TMLHE: variants seen among roughly 807,000 people sequenced by gnomAD.
TMLHE encodes trimethyllysine dioxygenase, mitochondrial.
A neutral mutation model predicts 25.7 loss-of-function variants in TMLHE; 18 were observed. The ratio of observed to expected loss-of-function variants is 0.70; its 90% confidence interval spans 0.48 to 1.04. The LOEUF (loss-of-function observed/expected upper bound fraction) is 1.04. TMLHE is among the 50% of genes least tolerant of loss of function. The probability of loss-of-function intolerance (pLI) is 0.00; values close to 1 mark genes in which losing one functional copy is unlikely to be tolerated. For missense variants in TMLHE, 236 were observed against 259.0 expected, an observed-to-expected ratio of 0.91 and a Z score of 0.61; for synonymous variants, 105 against 97.0, an observed-to-expected ratio of 1.08 and a Z score of -0.49.
chrX:155,572,817 C>G lies in TMLHE; in HGVS notation c.-1-27540G>C, dbSNP rs1162616807. Among the ~76,000 whole-genome samples the G allele has an allele frequency of 1.1e-4, 6 of 56,642 alleles. 1 individual carries two copies. Among genetic ancestry groups the G allele is most frequent in the African/African-American group, 2.5e-4 (6 of 23,802 alleles). The allele number at this position is 56,642 out of a possible 115,157, so 49.2% of individuals were successfully genotyped here. ...GCTGAAACTGGATCCCTTCCTTACA[C>G]CTTATACAAAAATTAATTCAAGATG... On this transcript the variant is annotated intron_variant, in intron 1 of 7. Transcript: ENST00000334398.
intron 2 of TMLHE, among the ~76,000 whole-genome samples, chrX:155,532,581 C>A (rs1424162160): frequency 1.8e-5 from 2 of 110,655 alleles, no homozygotes; most frequent in Non-Finnish European, 3.8e-5. Context: ...GATACAACTG[C>A]TGATACTCTG....
At chrX:155,543,829 T>C (rs1465593056) in intron 2 of TMLHE, among the ~76,000 whole-genome samples, 1 of 112,172 alleles carries the variant, frequency 8.9e-6, no homozygotes, top group East Asian at 2.8e-4. Flanking sequence ...CAATAGCTAC[T>C]GAGGTAAATA....
intron 1 of TMLHE, among the ~76,000 whole-genome samples, chrX:155,548,783 G>C (rs1370253109): frequency 9.1e-6 from 1 of 110,028 alleles, no homozygotes; most frequent in Non-Finnish European, 1.9e-5. Context: ...CAAACAATAT[G>C]TGAGCAAATA....
intron 1 of TMLHE, among the ~76,000 whole-genome samples, chrX:155,593,981 A>G (rs782423317): frequency 9.0e-6 from 1 of 111,539 alleles, no homozygotes; most frequent in East Asian, 2.8e-4. Context: ...ATAATAATAC[A>G]TGAAGAAGAA....
At chrX:155,541,961 T>A (rs1389273848) in intron 2 of TMLHE, among the ~76,000 whole-genome samples, 1 of 110,709 alleles carries the variant, frequency 9.0e-6, no homozygotes, top group Non-Finnish European at 1.9e-5. Flanking sequence ...GTCAGATGGA[T>A]AGATTGCAAA....
chrX:155,589,375 G>A (rs782593656), intron 1 of TMLHE, among the ~76,000 whole-genome samples: 11 of 111,379 alleles, frequency 9.9e-5, no homozygotes, highest in South Asian at 7.6e-4. Context: ...GCTTGAACCC[G>A]GGAGGCGGAG....
chrX:155,509,105 T>C (rs2067092188), intron 5 of TMLHE, among the ~76,000 whole-genome samples: 1 of 111,182 alleles, frequency 9.0e-6, no homozygotes, highest in Non-Finnish European at 1.9e-5. Flanking sequence ...ACAATGAAGA[T>C]AGTGATTAAA....
chrX:155,505,939 A>G (rs781895525), intron 6 of TMLHE, among the ~76,000 whole-genome samples: 2 of 111,691 alleles, frequency 1.8e-5, no homozygotes, highest in South Asian at 7.4e-4. Flanking sequence ...AAAAATGCAT[A>G]GTAAAAAGCT....
At chrX:155,548,703 C>A (rs911209913) in intron 1 of TMLHE, among the ~76,000 whole-genome samples, 9 of 107,072 alleles carry the variant, frequency 8.4e-5, no homozygotes, top group Non-Finnish European at 1.5e-4. Context: ...CCACTGCACT[C>A]CAGCCTGGGC....
intron 1 of TMLHE, among the ~76,000 whole-genome samples, chrX:155,572,887 A>G (rs1220928635): frequency 3.5e-5 from 2 of 57,659 alleles, no homozygotes; most frequent in African/African-American, 8.3e-5. Context: ...AAAACCCTAT[A>G]AGAAAACCTA....
At chrX:155,591,099 T>A in intron 1 of TMLHE, among the ~76,000 whole-genome samples, 1 of 111,352 alleles carries the variant, frequency 9.0e-6, no homozygotes, top group Non-Finnish European at 1.9e-5. Flanking sequence ...AAGAGAAAAA[T>A]TTTATAATTC....
intron 1 of TMLHE, among the ~76,000 whole-genome samples, chrX:155,548,842 A>G (rs1457626238): frequency 9.0e-6 from 1 of 110,864 alleles, no homozygotes; most frequent in Non-Finnish European, 1.9e-5. Context: ...AATATGGTCA[A>G]TCAATTCATG....
chrX:155,545,341 T>TAAC, intron 1 of TMLHE, 64 bp from the exon 2 acceptor site: 1 of 845,020 alleles, frequency 1.2e-6, no homozygotes. Flanking sequence ...GCTATAGGAA[T>TAAC]AACACTACAG....
At chrX:155,580,059 T>C (rs193015400) in intron 1 of TMLHE, among the ~76,000 whole-genome samples, 1 of 111,552 alleles carries the variant, frequency 9.0e-6, no homozygotes, top group African/African-American at 3.3e-5. Flanking sequence ...AGAAAAATAT[T>C]TGCAAACGAT....
intron 1 of TMLHE, 53 bp downstream of exon 1, chrX:155,612,739 A>G (rs1557348486): frequency 3.6e-5 from 4 of 111,892 alleles, no homozygotes; most frequent in Non-Finnish European, 7.5e-5. Context: ...GGGTAAACCC[A>G]CCCGTAGCAC....
At chrX:155,562,055 G>T (rs2067498834) in intron 1 of TMLHE, among the ~76,000 whole-genome samples, 1 of 62,285 alleles carries the variant, frequency 1.6e-5, no homozygotes, top group African/African-American at 3.6e-5. Flanking sequence ...GCCCAGTGTG[G>T]ACTCTGTGTG....
intron 2 of TMLHE, among the ~76,000 whole-genome samples, chrX:155,527,966 C>T (rs1157021663): frequency 9.9e-5 from 11 of 111,061 alleles, no homozygotes; most frequent in African/African-American, 3.6e-4. Context: ...GATAAAAACC[C>T]AACAGAAAAA....
chrX:155,543,474 A>G (rs1432096402), intron 2 of TMLHE, among the ~76,000 whole-genome samples: 5 of 112,171 alleles, frequency 4.5e-5, no homozygotes, highest in Non-Finnish European at 9.4e-5. Context: ...AACCAAGGAG[A>G]TTAATAATCT....
intron 1 of TMLHE, among the ~76,000 whole-genome samples, chrX:155,579,138 G>A (rs1478512146): frequency 1.8e-5 from 2 of 110,891 alleles, no homozygotes; most frequent in Non-Finnish European, 3.8e-5. Context: ...CCATACTCAT[G>A]GGTCAAAAGA....
Sources: allele counts gnomAD v4.1 joint callset (sites outside exome capture counted in the v4.1 genomes callset), GRCh38; gene constraint gnomAD v4.1.1; transcripts MANE v1.5; gene names NCBI Gene and HGNC (gene_info 2026-07-23, HGNC 2026-07-21).